WDR27: variants seen among roughly 807,000 people sequenced by gnomAD.
WDR27 encodes WD repeat domain 27.
In WDR27, 100 loss-of-function variants were observed where a neutral mutation model predicts 114.4. The ratio of observed to expected loss-of-function variants is 0.87; its 90% confidence interval spans 0.74 to 1.03. The LOEUF (loss-of-function observed/expected upper bound fraction) is 1.03. WDR27 is among the 50% of genes least tolerant of loss of function. The probability of loss-of-function intolerance (pLI) is 0.00; values close to 1 mark genes in which losing one functional copy is unlikely to be tolerated. For missense variants in WDR27, 1,129 were observed against 1,092.9 expected (o/e 1.03, Z -0.47); for synonymous variants, 449 against 423.1 (o/e 1.06, Z -0.75).
At chr6:169,639,155 G>C (rs1484996876) in intron 17 of WDR27, among the ~76,000 whole-genome samples, 2 of 148,344 alleles carry the variant, frequency 1.3e-5, no homozygotes, top group East Asian at 4.0e-4. Flanking sequence ...ACTGTGTGGG[G>C]CGTGTACTGC....
intron 17 of WDR27, 66 bp from the exon 18 acceptor site, chr6:169,638,726 T>G (rs1818360023): frequency 6.5e-7 from 1 of 1,529,902 alleles, no homozygotes; most frequent in Non-Finnish European, 8.8e-7. Flanking sequence ...TGAGTGCTAC[T>G]TATCTGGTAC....
chr6:169,694,401 C>G (rs552809335), intron 1 of WDR27, among the ~76,000 whole-genome samples: 1 of 152,298 alleles, frequency 6.6e-6, no homozygotes, highest in Non-Finnish European at 1.5e-5. Context: ...CTGACATAAA[C>G]TTAACTATCT....
chr6:169,479,599 A>C lies in WDR27; in HGVS notation c.2646-21965T>G, dbSNP rs76357404. Among the ~76,000 whole-genome samples, 660 of 152,352 alleles carry C rather than the reference A, an allele frequency of 4.3e-3. 5 individuals carry two copies. Among genetic ancestry groups the C allele is most frequent in the African/African-American group, 0.015 (638 of 41,578 alleles). The stretch of plus-strand genomic sequence containing the variant: ...ATATAAAAATGAATGAAACAAACAA[A>C]ATCCAATTTAATGAGTTATTATTTC... On this transcript the variant is annotated intron_variant, in intron 25 of 25. Transcript: ENST00000448612.
chr6:169,667,641 C>A (rs1828224420), intron 5 of WDR27, among the ~76,000 whole-genome samples: 1 of 152,222 alleles, frequency 6.6e-6, no homozygotes, highest in East Asian at 1.9e-4. Flanking sequence ...TTTGTGCCGA[C>A]TGAACCCTCC....
At chr6:169,461,250 T>A (rs1784872688) in intron 25 of WDR27, among the ~76,000 whole-genome samples, 1 of 151,972 alleles carries the variant, frequency 6.6e-6, no homozygotes, top group Non-Finnish European at 1.5e-5. Flanking sequence ...CATAGAGAAT[T>A]TACACAACAT....
intron 16 of WDR27, 146 bp downstream of exon 16, chr6:169,647,627 A>G: frequency 1.3e-6 from 1 of 796,650 alleles, no homozygotes; most frequent in East Asian, 2.7e-5. Context: ...TTTCATCCAG[A>G]CACAAACCAT....
intron 25 of WDR27, among the ~76,000 whole-genome samples, chr6:169,571,075 G>A (rs913542338): frequency 5.9e-5 from 9 of 152,052 alleles, no homozygotes; most frequent in South Asian, 4.2e-4. Flanking sequence ...ATAAATTAGC[G>A]GATACAGTGA....
At chr6:169,658,222 C>T (rs376244264) in intron 13 of WDR27, 54 bp downstream of exon 13, 69 of 1,419,628 alleles carry the variant, frequency 4.9e-5, no homozygotes, top group Non-Finnish European at 6.6e-5. Flanking sequence ...GCCCTAACCA[C>T]AATGAGAACG....
At chr6:169,687,508 A>G (rs542305383) in intron 2 of WDR27, among the ~76,000 whole-genome samples, 2 of 152,304 alleles carry the variant, frequency 1.3e-5, no homozygotes, top group Admixed American at 1.3e-4. Flanking sequence ...CAGAATTACT[A>G]ATTATAATTA....
intron 24 of WDR27, among the ~76,000 whole-genome samples, chr6:169,579,745 T>C (rs906847400): frequency 6.6e-6 from 1 of 152,190 alleles, no homozygotes; most frequent in African/African-American, 2.4e-5. Flanking sequence ...AGAGTGGGTA[T>C]AACTATGCTC....
chr6:169,467,829 A>G (rs1785804348), intron 25 of WDR27, among the ~76,000 whole-genome samples: 1 of 152,256 alleles, frequency 6.6e-6, no homozygotes, highest in Non-Finnish European at 1.5e-5. Context: ...TCCTCAGAAA[A>G]TACGTTTTTG....
the WDR27 span, among the ~76,000 whole-genome samples, chr6:169,434,998 G>C: frequency 6.6e-6 from 1 of 152,202 alleles, no homozygotes; most frequent in African/African-American, 2.4e-5. Flanking sequence ...CTGGGCCCAG[G>C]GCACCCCTGC....
At chr6:169,482,166 T>C (rs1296274335) in intron 25 of WDR27, among the ~76,000 whole-genome samples, 3 of 152,264 alleles carry the variant, frequency 2.0e-5, no homozygotes, top group Non-Finnish European at 2.9e-5. Flanking sequence ...CTATGGTGTA[T>C]ATGTACCACA....
chr6:169,577,578 C>T (rs1047747981), intron 24 of WDR27, among the ~76,000 whole-genome samples: 3 of 152,098 alleles, frequency 2.0e-5, no homozygotes, highest in African/African-American at 4.8e-5. Flanking sequence ...CGAAGCAGGA[C>T]GACGGCGCCT....
intron 14 of WDR27, 80 bp from the exon 15 acceptor site, chr6:169,649,355 A>G: frequency 8.2e-7 from 1 of 1,218,558 alleles, no homozygotes; most frequent in African/African-American, 1.5e-5. Flanking sequence ...TTACAGTGAA[A>G]AAAATTATAT....
intron 25 of WDR27, among the ~76,000 whole-genome samples, chr6:169,553,600 G>A (rs1316714670): frequency 6.6e-6 from 1 of 152,088 alleles, no homozygotes; most frequent in Non-Finnish European, 1.5e-5. Flanking sequence ...AACCTCAAGC[G>A]CTTTAAATCT....
chr6:169,578,427 T>C (rs543279184), intron 24 of WDR27, among the ~76,000 whole-genome samples: 6 of 152,336 alleles, frequency 3.9e-5, no homozygotes, highest in East Asian at 1.9e-4. Context: ...CAAGTCTATC[T>C]AGATTGGGTT....
chr6:169,688,901 C>G lies in WDR27; in HGVS notation c.105G>C (p.Gln35His). ...CACAGTCCTGCATGCTGCAAGCAAG[C>G]TGAACATGAGACACAGACTCCTTGG... The part of the protein sequence containing the change: ...VESKESVSHV[Q>H]LACSMQDCAF... Residue 35 changes from glutamine to histidine, a missense_variant, in exon 2 of 26, where the codon CAG becomes CAC. Gln to His is a conservative substitution (Grantham distance 24, BLOSUM62 0). Transcript: ENST00000448612. The G allele has an allele frequency of 6.2e-7, 1 of 1,613,950 alleles. No individual in the cohort carries two copies.
intron 21 of WDR27, among the ~76,000 whole-genome samples, chr6:169,630,622 G>C (rs1294434503): frequency 6.6e-6 from 1 of 152,222 alleles, no homozygotes; most frequent in Non-Finnish European, 1.5e-5. Context: ...TTGGTCGGGC[G>C]CAGTGGCTCA....
Sources: gnomAD v4.1 joint callset for allele counts (sites outside exome capture counted in the v4.1 genomes callset) on GRCh38, gnomAD v4.1.1 for gene constraint, MANE v1.5 for transcripts, NCBI Gene and HGNC (gene_info 2026-07-23, HGNC 2026-07-21) for gene names.